Variants in MTRFR observed in about 807,000 individuals in gnomAD.
The protein encoded by MTRFR is mitochondrial translation release factor in rescue, also known as probable peptide chain release factor C12orf65, mitochondrial.
In MTRFR, 10 loss-of-function variants were observed where a neutral mutation model predicts 11.9. That is an observed-to-expected ratio of 0.84 (90% confidence interval 0.52 to 1.42). The LOEUF (loss-of-function observed/expected upper bound fraction) is 1.42, where lower values mean the gene tolerates loss of function less well. Ranked by LOEUF, MTRFR falls within the 40% of genes most tolerant of loss-of-function variation. The probability of loss-of-function intolerance (pLI) is 0.00; values close to 1 mark genes in which losing one functional copy is unlikely to be tolerated. For missense variants in MTRFR, 196 were observed against 197.9 expected, an observed-to-expected ratio of 0.99 and a Z score of 0.06; for synonymous variants, 77 against 79.1, an observed-to-expected ratio of 0.97 and a Z score of 0.14.
chr12:123,253,055 AG>A (rs1316792123), intron 1 of MTRFR, among the ~76,000 whole-genome samples: 1 of 127,738 alleles, frequency 7.8e-6, no homozygotes, highest in African/African-American at 2.8e-5. Flanking sequence ...ATCAAATTAC[AG>A]TCCGTTCCTT....
rs190739985 is a variant in MTRFR, at chr12:123,257,341, C to T, written c.*310C>T. 1.8e-3 allele frequency: 493 copies of T among 279,876 alleles called. 1 individual carries two copies. Among genetic ancestry groups the T allele is most frequent in the African/African-American group, 0.01 (461 of 44,358 alleles). 17.3% of individuals were successfully genotyped at this position (279,876 alleles called of 1,614,324 possible). A position where few individuals can be genotyped will look rare whatever the true frequency, so the allele number is the denominator to read the frequency against. The stretch of plus-strand genomic sequence containing the variant: ...ACCAGCCTGGCCAACATGGTGAAAC[C>T]CCGTCTCTACTAAAAATACAAAAAA... On this transcript the variant is annotated 3_prime_UTR_variant, in exon 3 of 3. Coordinates refer to ENST00000253233, the MANE Select transcript of MTRFR (RefSeq NM_152269.5).
chr12:123,237,424 G>A (rs549951879), intron 1 of MTRFR, among the ~76,000 whole-genome samples: 22 of 152,238 alleles, frequency 1.4e-4, no homozygotes, highest in African/African-American at 4.6e-4. Flanking sequence ...GCGAAACTCC[G>A]GCTCAAAAAT....
intron 1 of MTRFR, among the ~76,000 whole-genome samples, chr12:123,246,621 T>C (rs903642957): frequency 6.6e-6 from 1 of 151,632 alleles, no homozygotes; most frequent in African/African-American, 2.4e-5. Context: ...ACCCAGCTAA[T>C]TTATTTGTAT....
At chr12:123,245,163 C>A (rs1385455393) in intron 1 of MTRFR, among the ~76,000 whole-genome samples, 2 of 151,874 alleles carry the variant, frequency 1.3e-5, no homozygotes, top group Non-Finnish European at 2.9e-5. Context: ...GTCTCGATCT[C>A]CTGACCTCGT....
intron 1 of MTRFR, chr12:123,248,329 A>ACAACAGTT (rs1411835596): frequency 6.6e-6 from 1 of 152,252 alleles, no homozygotes; most frequent in East Asian, 1.9e-4. Flanking sequence ...CTCCTGAGAA[A>ACAACAGTT]TCTGCTGTTA....
At chr12:123,241,978 G>GT (rs2047946107) in intron 1 of MTRFR, among the ~76,000 whole-genome samples, 1 of 152,158 alleles carries the variant, frequency 6.6e-6, no homozygotes, top group Non-Finnish European at 1.5e-5. Flanking sequence ...TCTATAGTAT[G>GT]TTATCCATCC....
At chr12:123,236,403 G>C (rs1172170108) in intron 1 of MTRFR, among the ~76,000 whole-genome samples, 1 of 151,958 alleles carries the variant, frequency 6.6e-6, no homozygotes, top group African/African-American at 2.4e-5. Context: ...AGACCTGCCT[G>C]GGCAACATGG....
At chr12:123,235,889 C>A (rs1486567893) in intron 1 of MTRFR, among the ~76,000 whole-genome samples, 1 of 151,426 alleles carries the variant, frequency 6.6e-6, no homozygotes, top group Non-Finnish European at 1.5e-5. Context: ...CATGGTGAAA[C>A]CCCATCTGGG....
intron 1 of MTRFR, chr12:123,248,740 C>G (rs1215690304): frequency 6.6e-6 from 1 of 152,244 alleles, no homozygotes; most frequent in Non-Finnish European, 1.5e-5. Flanking sequence ...GCACTGCTGG[C>G]TCAGGCAGCC....
intron 1 of MTRFR, chr12:123,240,426 C>T (rs1287957361): frequency 6.6e-6 from 1 of 151,970 alleles, no homozygotes; most frequent in African/African-American, 2.4e-5. Context: ...CACAAGACTC[C>T]CAGGTGATTT....
At chr12:123,253,070 ATTTTTTTTTTTTTTTTTTTTTTTT>A (rs71085872) in intron 1 of MTRFR, among the ~76,000 whole-genome samples, 2 of 34,814 alleles carry the variant, frequency 5.7e-5, no homozygotes, top group Admixed American at 9.0e-4. Flanking sequence ...GTTCCTTTGA[ATTTTTTTTTTTTTTTTTTTTTTTT>A]TTTTTTTTTT....
At chr12:123,245,291 G>T (rs2048023066) in intron 1 of MTRFR, among the ~76,000 whole-genome samples, 1 of 151,926 alleles carries the variant, frequency 6.6e-6, no homozygotes, top group Non-Finnish European at 1.5e-5. Context: ...TGGCCTTATA[G>T]TATAGTTTGA....
intron 1 of MTRFR, among the ~76,000 whole-genome samples, chr12:123,242,765 T>C (rs1817996339): frequency 1.3e-5 from 2 of 152,200 alleles, no homozygotes; most frequent in African/African-American, 2.4e-5. Context: ...AGCACTCTCA[T>C]CTCCATCCTT....
intron 2 of MTRFR, 144 bp downstream of exon 2, chr12:123,254,100 A>T (rs1274791699): frequency 1.1e-6 from 1 of 923,342 alleles, no homozygotes; most frequent in African/African-American, 1.7e-5. Context: ...GGCAGTAGAG[A>T]GCACCGCAGA....
intron 1 of MTRFR, among the ~76,000 whole-genome samples, chr12:123,247,580 T>A (rs2138777337): frequency 6.6e-6 from 1 of 152,270 alleles, no homozygotes; most frequent in African/African-American, 2.4e-5. Flanking sequence ...GGTTGATGAG[T>A]TCTTATCCAT....
intron 1 of MTRFR, among the ~76,000 whole-genome samples, chr12:123,247,024 C>T (rs188796799): frequency 3.9e-5 from 6 of 151,966 alleles, no homozygotes; most frequent in African/African-American, 1.2e-4. Context: ...CCACCGCTCA[C>T]GCCTAATTTC....
At position 123,247,815 on chromosome 12, in the gene MTRFR, G is replaced by A. The variant is rs1251685262; in HGVS notation, c.-28-5832G>A. ...AAAAAATTAGCCGGGCGTGGTAGCG[G>A]GCACCTATAGTCCCAGCTACTTGGG... On this transcript the variant is annotated intron_variant, in intron 1 of 2. Coordinates refer to ENST00000253233, the MANE Select transcript of MTRFR (RefSeq NM_152269.5). 2.0e-5 allele frequency among the ~76,000 whole-genome samples: 3 copies of A among 152,008 alleles called. No individual in the cohort carries two copies. In the East Asian group the frequency reaches 5.8e-4, roughly 29 times the overall value.
At position 123,253,835 on chromosome 12, in the gene MTRFR, C is replaced by T. The variant is rs755183501; in HGVS notation, c.161C>T (p.Ser54Phe). 1.2e-6 allele frequency: 2 copies of T among 1,614,192 alleles called. No homozygotes were observed. Among genetic ancestry groups the T allele is most frequent in the East Asian group, 4.5e-5 (2 of 44,884 alleles). The change falls in exon 2 of 3, where the codon TCC becomes TTC. Residue 54 changes from serine to phenylalanine, a missense_variant. Transcript: ENST00000253233. ...AAGAAGGACTACCCTGCACTGCTTT[C>T]CTTGGATGAGAATGAACTCGAAGAG... is the stretch of plus-strand genomic sequence containing the variant. The part of the protein sequence containing the change: ...AGKKDYPALL[S>F]LDENELEEQF...
intron 1 of MTRFR, among the ~76,000 whole-genome samples, chr12:123,246,377 T>C (rs1246996199): frequency 3.3e-5 from 5 of 152,160 alleles, no homozygotes; most frequent in Non-Finnish European, 7.3e-5. Flanking sequence ...CTTGATTTTG[T>C]TTTTGACCCA....
Sources: allele counts gnomAD v4.1 joint callset (sites outside exome capture counted in the v4.1 genomes callset), GRCh38; gene constraint gnomAD v4.1.1; transcripts MANE v1.5; gene names NCBI Gene and HGNC (gene_info 2026-07-23, HGNC 2026-07-21).